Variants in SPECC1 observed in about 807,000 individuals in gnomAD.
SPECC1 encodes cytospin-B.
In SPECC1, 62 loss-of-function variants were observed where a neutral mutation model predicts 104.1. That is an observed-to-expected ratio of 0.60 (90% CI 0.49 to 0.74). The LOEUF (loss-of-function observed/expected upper bound fraction) is 0.74. Among genes scored for constraint, SPECC1 ranks in the 30% least tolerant of loss-of-function variants. The probability of loss-of-function intolerance (pLI) is 0.00; values close to 1 mark genes in which losing one functional copy is unlikely to be tolerated. For synonymous variants in SPECC1, 513 were observed against 501.6 expected, an observed-to-expected ratio of 1.02 and a Z score of -0.30; for missense variants, 1,306 against 1,310.5, an observed-to-expected ratio of 1.00 and a Z score of 0.05.
intron 12 of SPECC1, among the ~76,000 whole-genome samples, chr17:20,289,702 C>G (rs769278883): frequency 2.6e-5 from 4 of 152,214 alleles, no homozygotes; most frequent in Non-Finnish European, 5.9e-5. Context: ...CCCAGCTGCA[C>G]TGGACTGGGA....
chr17:20,198,013 AGCATGCC>A (rs1318104499), intron 3 of SPECC1, among the ~76,000 whole-genome samples: 1 of 152,236 alleles, frequency 6.6e-6, no homozygotes, highest in African/African-American at 2.4e-5. Context: ...CCCTTTGGCC[AGCATGCC>A]AGGCTTCTGG....
chr17:20,138,520 C>G (rs1321012269), intron 3 of SPECC1, among the ~76,000 whole-genome samples: 1 of 152,148 alleles, frequency 6.6e-6, no homozygotes, highest in Non-Finnish European at 1.5e-5. Flanking sequence ...TGTGCTCTGC[C>G]CGTTCATCCC....
At chr17:20,295,489 T>C (rs2041319614) in intron 12 of SPECC1, among the ~76,000 whole-genome samples, 1 of 152,200 alleles carries the variant, frequency 6.6e-6, no homozygotes, top group East Asian at 1.9e-4. Flanking sequence ...TATGTGTGCA[T>C]GTGTCTTTAT....
At chr17:20,010,036 G>T (rs949702298) in intron 1 of SPECC1, 2 of 152,228 alleles carry the variant, frequency 1.3e-5, no homozygotes, top group African/African-American at 4.8e-5. Flanking sequence ...AGGCCCGGGG[G>T]CAGCGCGCGG....
chr17:20,071,066 G>T (rs957270328), intron 1 of SPECC1, among the ~76,000 whole-genome samples: 1 of 152,004 alleles, frequency 6.6e-6, no homozygotes, highest in African/African-American at 2.4e-5. Context: ...TGTTGCCCAG[G>T]CTGGAGTTCG....
chr17:20,246,129 T>A, intron 8 of SPECC1, 58 bp downstream of exon 8: 1 of 1,595,382 alleles, frequency 6.3e-7, no homozygotes, highest in South Asian at 1.1e-5. Context: ...GCCCGACATT[T>A]GATATGTCTA....
intron 3 of SPECC1, among the ~76,000 whole-genome samples, chr17:20,165,668 C>T (rs1597861723): frequency 6.6e-6 from 1 of 152,140 alleles, no homozygotes. Context: ...ATTTGCATTC[C>T]CACCAACAGT....
chr17:20,292,617 A>G (rs772652684), intron 12 of SPECC1, among the ~76,000 whole-genome samples: 1 of 152,202 alleles, frequency 6.6e-6, no homozygotes, highest in Non-Finnish European at 1.5e-5. Flanking sequence ...CAGAAAGTGT[A>G]AAATGAAAGC....
intron 1 of SPECC1, among the ~76,000 whole-genome samples, chr17:20,094,490 G>A (rs2047552376): frequency 1.3e-5 from 2 of 152,162 alleles, no homozygotes; most frequent in Non-Finnish European, 2.9e-5. Flanking sequence ...GGTTGACAGG[G>A]AAAACATCCA....
At chr17:20,044,646 T>A (rs2045467190) in intron 1 of SPECC1, among the ~76,000 whole-genome samples, 1 of 152,184 alleles carries the variant, frequency 6.6e-6, no homozygotes, top group African/African-American at 2.4e-5. Context: ...AAAGGAAGCC[T>A]AGTGTCAGGT....
At chr17:20,248,325 C>G (rs954656534) in intron 9 of SPECC1, among the ~76,000 whole-genome samples, 3 of 152,156 alleles carry the variant, frequency 2.0e-5, no homozygotes, top group African/African-American at 4.8e-5. Context: ...CAAGTACACC[C>G]TTTAGCTTCC....
At chr17:20,014,582 G>C (rs968119370) in intron 1 of SPECC1, among the ~76,000 whole-genome samples, 1 of 152,074 alleles carries the variant, frequency 6.6e-6, no homozygotes, top group Non-Finnish European at 1.5e-5. Flanking sequence ...ACTGGGTATA[G>C]GATTCTACGT....
At chr17:20,306,643 T>G (rs796404986) in intron 14 of SPECC1, among the ~76,000 whole-genome samples, 3 of 152,294 alleles carry the variant, frequency 2.0e-5, no homozygotes, top group African/African-American at 7.2e-5. Flanking sequence ...CACCTGGGAT[T>G]GTGTGCGCAC....
chr17:20,148,900 T>A (rs1392658745), intron 3 of SPECC1, among the ~76,000 whole-genome samples: 1 of 152,046 alleles, frequency 6.6e-6, no homozygotes, highest in Admixed American at 6.6e-5. Flanking sequence ...TTTGTATTTT[T>A]AGTAGAGACG....
intron 1 of SPECC1, among the ~76,000 whole-genome samples, chr17:20,037,515 G>A (rs2045140584): frequency 6.7e-6 from 1 of 149,490 alleles, no homozygotes; most frequent in South Asian, 2.1e-4. Flanking sequence ...GACTGTTCCT[G>A]CAGAGCAGAG....
At chr17:20,021,830 C>G (rs982655316) in intron 1 of SPECC1, among the ~76,000 whole-genome samples, 2 of 147,918 alleles carry the variant, frequency 1.4e-5, no homozygotes, top group African/African-American at 4.9e-5. Flanking sequence ...GCCACTGCAC[C>G]CGGCCATCCC....
chr17:20,148,382 G>C (rs941009947), intron 3 of SPECC1, among the ~76,000 whole-genome samples: 7 of 152,032 alleles, frequency 4.6e-5, no homozygotes, highest in African/African-American at 1.7e-4. Context: ...TGGGACTACA[G>C]GTGCACACTA....
intron 1 of SPECC1, among the ~76,000 whole-genome samples, chr17:20,091,494 T>C (rs1458493549): frequency 6.6e-6 from 1 of 152,222 alleles, no homozygotes; most frequent in Non-Finnish European, 1.5e-5. Context: ...GGGTTACCGA[T>C]GTCTAGCAGC....
chr17:20,073,306 T>C (rs1224767384), intron 1 of SPECC1, among the ~76,000 whole-genome samples: 1 of 152,112 alleles, frequency 6.6e-6, no homozygotes, highest in Non-Finnish European at 1.5e-5. Flanking sequence ...GACTGAGTTT[T>C]TGTTTTTGTT....
Sources: gnomAD v4.1 joint callset for allele counts (sites outside exome capture counted in the v4.1 genomes callset) on GRCh38, gnomAD v4.1.1 for gene constraint, MANE v1.5 for transcripts, NCBI Gene and HGNC (gene_info 2026-07-23, HGNC 2026-07-21) for gene names.